RGS12: variants seen among roughly 807,000 people sequenced by gnomAD.
The protein encoded by RGS12 is regulator of G protein signaling 12, also known as regulator of G-protein signaling 12.
A neutral mutation model predicts 120.1 loss-of-function variants in RGS12; 66 were observed. The observed-to-expected ratio is 0.55, with a 90% CI of 0.45 to 0.67. The LOEUF is 0.67. Ranked by LOEUF, RGS12 falls within the 30% of genes least tolerant of loss-of-function variation. RGS12 has a pLI of 0.00. For synonymous variants in RGS12, 827 were observed against 804.7 expected, an observed-to-expected ratio of 1.03 and a Z score of -0.47; for missense variants, 1,859 against 1,957.7, an observed-to-expected ratio of 0.95 and a Z score of 0.95.
Position 3,422,381 on chromosome 4 carries a change from G to A in RGS12, c.2844G>A (p.Glu948=). 6.2e-7 allele frequency: 1 copy of A among 1,610,860 alleles called. No homozygotes were observed. Among genetic ancestry groups the A allele is most frequent in the Admixed American group, 1.7e-5 (1 of 59,884 alleles). ...VSSAGSLDLS[E]ACRTLAPEKD... ...CTTGTCTCGCTGCTCCCCAGTCGGA[G>A]GCCTGCAGGACTTTGGCACCCGAGA... is the stretch of plus-strand genomic sequence containing the variant. Residue 948 remains glutamate, a synonymous_variant, in exon 11 of 18, where the codon GAG becomes GAA. Coordinates refer to ENST00000336727, the MANE Select transcript of RGS12 (RefSeq NM_001394154.1).
chr4:3,383,189 GA>G (rs1448667958), intron 3 of RGS12, among the ~76,000 whole-genome samples: 1 of 152,174 alleles, frequency 6.6e-6, no homozygotes, highest in African/African-American at 2.4e-5. Context: ...TGCTGTGGCT[GA>G]GGCTCACTGC....
Position 3,366,128 on chromosome 4 carries a change from C to T in RGS12, c.1999-20288C>T, listed in dbSNP as rs1283973593. Among the ~76,000 whole-genome samples the T allele has an allele frequency of 1.3e-5, 2 of 151,880 alleles. No individual in the cohort carries two copies. The highest frequency in any genetic ancestry group is 6.6e-5 in the Admixed American group (1 of 15,250). On this transcript the variant is annotated intron_variant, in intron 3 of 17. Transcript: ENST00000336727. This position sits in a 1 kb window ranked among gnomAD's most constrained non-coding sequence, Gnocchi z 4.0. ...GGCCTGGGCAGCACCATGACCCACC[C>T]GAGAAGGGCAATGGGGAAGGAAGGC...
intron 14 of RGS12, among the ~76,000 whole-genome samples, chr4:3,426,955 C>A (rs1723722603): frequency 6.6e-6 from 1 of 152,174 alleles, no homozygotes; most frequent in Non-Finnish European, 1.5e-5. Flanking sequence ...GTTGTTGGCC[C>A]TGATGATGTC....
At chr4:3,385,823 G>A (rs555104079) in intron 3 of RGS12, 4 of 156,168 alleles carry the variant, frequency 2.6e-5, no homozygotes, top group African/African-American at 7.2e-5. Context: ...TTGGGTGGGC[G>A]GGCACCAGAT....
chr4:3,307,185 C>T (rs1001201172), intron 1 of RGS12, among the ~76,000 whole-genome samples: 6 of 152,216 alleles, frequency 3.9e-5, no homozygotes, highest in South Asian at 2.1e-4. Context: ...TCCTAGGATA[C>T]GGCCTTTGCC....
intron 10 of RGS12, among the ~76,000 whole-genome samples, chr4:3,421,264 T>C (rs1451467567): frequency 3.3e-5 from 5 of 152,150 alleles, no homozygotes; most frequent in Non-Finnish European, 7.4e-5. Context: ...CGTGAGCTTG[T>C]TAGATGTTGT....
chr4:3,383,449 A>T (rs10012797), intron 3 of RGS12, among the ~76,000 whole-genome samples: 11,150 of 152,154 alleles, frequency 0.073, 609 homozygotes, highest in East Asian at 0.28. Flanking sequence ...TCTACAAAAA[A>T]TACACAAAGT....
chr4:3,430,933 A>C lies in RGS12; in HGVS notation c.4092A>C (p.Glu1364Asp). The part of the protein sequence containing the change: ...TLLPPPSTPQ[E>D]VPGPSRPGSG... ...TGCCGCCGCCCTCCACCCCCCAGGA[A>C]GTGCCAGGACCTTCCAGACCAGGTA... The change falls in exon 17 of 18, where the codon GAA (glutamate) becomes GAC (aspartate). Residue 1364 changes from glutamate to aspartate, a missense_variant. Glu to Asp is a conservative substitution (Grantham distance 45). Coordinates refer to ENST00000336727, the MANE Select transcript of RGS12 (RefSeq NM_001394154.1). The C allele has an allele frequency of 6.2e-7, 1 of 1,612,784 alleles. No homozygotes were observed. Among genetic ancestry groups the C allele is most frequent in the Non-Finnish European group, 8.5e-7 (1 of 1,179,970 alleles).
intron 3 of RGS12, among the ~76,000 whole-genome samples, chr4:3,363,477 G>GC (rs1027149289): frequency 2.0e-5 from 3 of 151,620 alleles, no homozygotes; most frequent in African/African-American, 7.3e-5. Context: ...CCGGTAAGGA[G>GC]CCGCGGGGCC....
chr4:3,420,308 G>A (rs1274320432), intron 9 of RGS12: 4 of 398,622 alleles, frequency 1.0e-5, no homozygotes, highest in African/African-American at 8.3e-5. Flanking sequence ...ACCTGGGTCT[G>A]TGCTGTGTAA....
intron 1 of RGS12, among the ~76,000 whole-genome samples, chr4:3,304,463 G>A (rs995793190): frequency 2.0e-5 from 3 of 152,204 alleles, no homozygotes; most frequent in Admixed American, 2.0e-4. Flanking sequence ...TCCCGGGAGT[G>A]TGCTGGTGGA....
intron 3 of RGS12, among the ~76,000 whole-genome samples, chr4:3,343,587 A>G (rs922320928): frequency 1.3e-5 from 2 of 151,980 alleles, no homozygotes; most frequent in African/African-American, 4.8e-5. Context: ...TACAGTTGAC[A>G]GGCCAGTGTA....
chr4:3,327,317 C>A (rs1725614823), intron 2 of RGS12, among the ~76,000 whole-genome samples: 1 of 152,128 alleles, frequency 6.6e-6, no homozygotes, highest in Admixed American at 6.5e-5. Flanking sequence ...AGACTTAAAC[C>A]TGAAACTATA....
intron 3 of RGS12, among the ~76,000 whole-genome samples, chr4:3,377,359 C>T (rs144632405): frequency 1.6e-4 from 24 of 152,286 alleles, no homozygotes; most frequent in South Asian, 4.1e-4. Flanking sequence ...GCATGAGTCA[C>T]GATGCCCAGC....
At position 3,427,565 on chromosome 4, in the gene RGS12, G is replaced by A. The variant is rs376505036; in HGVS notation, c.3332-525G>A. 2.8e-3 allele frequency among the ~76,000 whole-genome samples: 424 copies of A among 152,186 alleles called. 4 individuals are homozygous for A. Among genetic ancestry groups the A allele is most frequent in the Middle Eastern group, 0.02 (6 of 294 alleles). ...AGCCTGGCCAGCATGGTGAAACCTC[G>A]TTTCTACTAAAAATACAAAAATTAG... On this transcript the variant is annotated intron_variant, in intron 14 of 17. Transcript: ENST00000336727.
At chr4:3,318,926 G>C (rs1467338348) in intron 2 of RGS12, among the ~76,000 whole-genome samples, 1 of 152,216 alleles carries the variant, frequency 6.6e-6, no homozygotes, top group Non-Finnish European at 1.5e-5. Flanking sequence ...CTTTGTTTCA[G>C]AGAAACTACT....
chr4:3,425,400 C>A lies in RGS12; in HGVS notation c.3235-64C>A. On this transcript the variant is annotated intron_variant, in intron 13 of 17. Transcript: ENST00000336727. ...GGACAGTCATGCAGTCGGGTGGGAT[C>A]ACACACATCTGTTCCCTGAAGTTCC... The A allele has an allele frequency of 4.2e-6, 6 of 1,414,882 alleles. No homozygotes were observed. In the South Asian group the frequency reaches 4.6e-5, roughly 11 times the overall value. 87.6% of individuals were successfully genotyped at this position (1,414,882 alleles called of 1,614,324 possible).
At chr4:3,363,522 A>G (rs1207864708) in intron 3 of RGS12, among the ~76,000 whole-genome samples, 2 of 151,982 alleles carry the variant, frequency 1.3e-5, no homozygotes, top group Non-Finnish European at 2.9e-5. Flanking sequence ...GGAGAAGTGC[A>G]GCGGCAAGAG....
intron 4 of RGS12, among the ~76,000 whole-genome samples, chr4:3,412,695 A>G (rs1376362237): frequency 1.3e-5 from 2 of 152,256 alleles, no homozygotes; most frequent in Non-Finnish European, 2.9e-5. Flanking sequence ...GCTGCATTCC[A>G]TAAAGCTGCA....
Sources: allele counts gnomAD v4.1 joint callset (sites outside exome capture counted in the v4.1 genomes callset), GRCh38; gene constraint gnomAD v4.1.1; non-coding constraint Gnocchi (gnomAD v3.1); transcripts MANE v1.5; gene names NCBI Gene and HGNC (gene_info 2026-07-23, HGNC 2026-07-21).